Variants in DLG2 observed in about 807,000 individuals in gnomAD.
DLG2 encodes the protein discs large MAGUK scaffold protein 2.
A neutral mutation model predicts 132.5 loss-of-function variants in DLG2; 45 were observed. The ratio of observed to expected loss-of-function variants is 0.34; its 90% confidence interval spans 0.27 to 0.44. The LOEUF (loss-of-function observed/expected upper bound fraction) is 0.44, where lower values mean the gene tolerates loss of function less well. Ranked by LOEUF, DLG2 falls within the 20% of genes least tolerant of loss-of-function variation. DLG2 has a pLI of 1.00. For synonymous variants in DLG2, 424 were observed against 419.6 expected, an observed-to-expected ratio of 1.01 and a Z score of -0.13; for missense variants, 1,045 against 1,196.9, an observed-to-expected ratio of 0.87 and a Z score of 1.87.
chr11:85,408,486 A>T (rs1041251756), intron 3 of DLG2, among the ~76,000 whole-genome samples: 15 of 150,940 alleles, frequency 9.9e-5, no homozygotes, highest in Non-Finnish European at 1.5e-4. Flanking sequence ...ATGCTGGTGC[A>T]CTGCACCCAC....
intron 6 of DLG2, among the ~76,000 whole-genome samples, chr11:84,689,505 A>C (rs185668324): frequency 2.0e-5 from 3 of 152,214 alleles, no homozygotes; most frequent in African/African-American, 7.2e-5. Context: ...CTGGTGTGAA[A>C]GATAAGAATG....
chr11:84,109,028 G>A (rs2093165802), intron 9 of DLG2, among the ~76,000 whole-genome samples: 1 of 152,060 alleles, frequency 6.6e-6, no homozygotes, highest in East Asian at 1.9e-4. Flanking sequence ...TTTGGGAGAT[G>A]TAAATCAAGA....
At chr11:84,793,619 C>A (rs1017235047) in intron 6 of DLG2, among the ~76,000 whole-genome samples, 7 of 152,306 alleles carry the variant, frequency 4.6e-5, no homozygotes, top group African/African-American at 1.7e-4. Context: ...ATTGTCATAT[C>A]CTCTTGCTGT....
At chr11:84,839,394 A>T (rs541171517) in intron 6 of DLG2, among the ~76,000 whole-genome samples, 2 of 152,314 alleles carry the variant, frequency 1.3e-5, no homozygotes, top group Non-Finnish European at 2.9e-5. Context: ...GGAAGAATCA[A>T]TATCATGAAA....
At chr11:84,419,191 T>C (rs2154463626) in intron 7 of DLG2, among the ~76,000 whole-genome samples, 1 of 152,280 alleles carries the variant, frequency 6.6e-6, no homozygotes, top group African/African-American at 2.4e-5. Context: ...AGATATTATA[T>C]ATTACTCAAT....
At chr11:84,487,655 G>A (rs150699147) in intron 7 of DLG2, among the ~76,000 whole-genome samples, 154 of 152,174 alleles carry the variant, frequency 1.0e-3, no homozygotes, top group African/African-American at 3.6e-3. Flanking sequence ...CCTTTAGGAT[G>A]CTCAAAAGCT....
At chr11:84,794,452 A>G (rs2074285187) in intron 6 of DLG2, among the ~76,000 whole-genome samples, 1 of 152,192 alleles carries the variant, frequency 6.6e-6, no homozygotes, top group African/African-American at 2.4e-5. Flanking sequence ...CCGAGTTGGC[A>G]GAGTAGGAGC....
intron 4 of DLG2, among the ~76,000 whole-genome samples, chr11:85,160,125 A>G (rs914702585): frequency 1.3e-5 from 2 of 152,306 alleles, no homozygotes; most frequent in African/African-American, 4.8e-5. Context: ...TACAACCAAG[A>G]AGGAGGCACA....
At chr11:84,284,669 G>A (rs1481502535) in intron 7 of DLG2, among the ~76,000 whole-genome samples, 1 of 152,204 alleles carries the variant, frequency 6.6e-6, no homozygotes, top group Non-Finnish European at 1.5e-5. Context: ...AGAACCGTGA[G>A]GCAGATGAAG....
intron 6 of DLG2, among the ~76,000 whole-genome samples, chr11:84,895,498 C>T (rs1312518539): frequency 2.6e-5 from 4 of 152,154 alleles, no homozygotes; most frequent in African/African-American, 7.2e-5. Context: ...CAGAACACTA[C>T]TGTAGACAGA....
chr11:83,753,867 AT>A (rs2093512480), intron 18 of DLG2, among the ~76,000 whole-genome samples: 1 of 6,598 alleles, frequency 1.5e-4, no homozygotes, highest in Non-Finnish European at 2.5e-4. Flanking sequence ...TATATATTTC[AT>A]ATATATGATA....
chr11:84,129,230 A>G (rs191860292), intron 9 of DLG2, among the ~76,000 whole-genome samples: 63 of 152,218 alleles, frequency 4.1e-4, no homozygotes, highest in Non-Finnish European at 7.8e-4. Context: ...ACCATGACAC[A>G]TTTACAGACT....
chr11:85,445,506 C>T lies in DLG2; in HGVS notation c.40+153151G>A, dbSNP rs192488834. ...CAGCCTGGTCAACATGGTGAAACCC[C>T]GTCTCTACTGAAAAATGCAAAAAAT... On this transcript the variant is annotated intron_variant, in intron 3 of 27. Transcript: ENST00000376104. Among the ~76,000 whole-genome samples the T allele has an allele frequency of 9.6e-4, 146 of 152,242 alleles. 1 individual carries two copies. The highest frequency in any genetic ancestry group is 3.1e-3 in the African/African-American group (127 of 41,544).
At chr11:84,185,009 C>T (rs1482157281) in intron 8 of DLG2, among the ~76,000 whole-genome samples, 3 of 152,142 alleles carry the variant, frequency 2.0e-5, no homozygotes, top group Admixed American at 6.5e-5. Flanking sequence ...TAGCGTGATG[C>T]CTCTGGCTTT....
chr11:85,429,861 T>C (rs2091042614), intron 3 of DLG2, among the ~76,000 whole-genome samples: 1 of 152,200 alleles, frequency 6.6e-6, no homozygotes, highest in South Asian at 2.1e-4. Flanking sequence ...TTACTGGGTA[T>C]ATACCCAAAG....
intron 11 of DLG2, among the ~76,000 whole-genome samples, chr11:83,982,960 G>T (rs1287311831): frequency 6.6e-6 from 1 of 152,132 alleles, no homozygotes; most frequent in Non-Finnish European, 1.5e-5. Flanking sequence ...GGAACAACAG[G>T]CTATACTACA....
chr11:83,775,900 G>A (rs912931417), intron 18 of DLG2, among the ~76,000 whole-genome samples: 41 of 151,928 alleles, frequency 2.7e-4, no homozygotes, highest in African/African-American at 8.7e-4. Flanking sequence ...AGACCATCCT[G>A]GCTAATACGG....
chr11:84,188,287 A>T (rs1237310147), intron 8 of DLG2, among the ~76,000 whole-genome samples: 1 of 152,156 alleles, frequency 6.6e-6, no homozygotes, highest in Non-Finnish European at 1.5e-5. Flanking sequence ...GAATTTTAGG[A>T]AACTAACAAT....
chr11:84,574,417 G>A (rs78927753), intron 6 of DLG2, among the ~76,000 whole-genome samples: 1 of 150,724 alleles, frequency 6.6e-6, no homozygotes, highest in Non-Finnish European at 1.5e-5. Context: ...TAATGTCAAT[G>A]TTTACCTGTT....
Sources: allele counts gnomAD v4.1 joint callset (sites outside exome capture counted in the v4.1 genomes callset), GRCh38; gene constraint gnomAD v4.1.1; transcripts MANE v1.5; gene names NCBI Gene and HGNC (gene_info 2026-07-23, HGNC 2026-07-21).